Variants in GATAD2A observed in about 807,000 individuals in gnomAD.
The protein encoded by GATAD2A is GATA zinc finger domain containing 2A, also known as transcriptional repressor p66-alpha.
GATAD2A carries 12 observed loss-of-function variants against 68.5 expected under a neutral mutation model. The ratio of observed to expected loss-of-function variants is 0.18; its 90% CI spans 0.11 to 0.28. The LOEUF (loss-of-function observed/expected upper bound fraction) is 0.28. GATAD2A is among the 10% of genes least tolerant of loss of function. The pLI is 1.00. For synonymous variants in GATAD2A, 410 were observed against 375.3 expected, an observed-to-expected ratio of 1.09 and a Z score of -1.07; for missense variants, 755 against 868.5, an observed-to-expected ratio of 0.87 and a Z score of 1.64.
At chr19:19,488,021 G>T (rs2059555004) in intron 2 of GATAD2A, among the ~76,000 whole-genome samples, 1 of 152,210 alleles carries the variant, frequency 6.6e-6, no homozygotes, top group Non-Finnish European at 1.5e-5. Flanking sequence ...CTTGTACCGA[G>T]GCCTCACGAG....
At chr19:19,437,439 A>G (rs549953282) in intron 1 of GATAD2A, among the ~76,000 whole-genome samples, 3 of 152,362 alleles carry the variant, frequency 2.0e-5, no homozygotes, top group Non-Finnish European at 4.4e-5. Flanking sequence ...TTTTTGAGAT[A>G]TAATTTGCAT....
At chr19:19,473,272 G>A (rs183562120) in intron 2 of GATAD2A, among the ~76,000 whole-genome samples, 8 of 152,290 alleles carry the variant, frequency 5.3e-5, no homozygotes, top group Admixed American at 5.2e-4. Context: ...GGGGCAGGCT[G>A]GGATGTGTGT....
intron 2 of GATAD2A, among the ~76,000 whole-genome samples, chr19:19,474,723 G>T (rs1253802509): frequency 6.6e-6 from 1 of 152,172 alleles, no homozygotes; most frequent in Non-Finnish European, 1.5e-5. Flanking sequence ...AAACTGCAGG[G>T]TTACAAATTG....
intron 5 of GATAD2A, among the ~76,000 whole-genome samples, chr19:19,495,208 G>A (rs1318750976): frequency 6.6e-6 from 1 of 152,126 alleles, no homozygotes; most frequent in Non-Finnish European, 1.5e-5. Flanking sequence ...TACCCAGGCT[G>A]TTCTCAAACC....
At chr19:19,392,960 G>C (rs1376021513) in intron 1 of GATAD2A, among the ~76,000 whole-genome samples, 1 of 152,148 alleles carries the variant, frequency 6.6e-6, no homozygotes, top group Non-Finnish European at 1.5e-5. Context: ...CTGCCAAAGT[G>C]TTGGGATTAC....
intron 1 of GATAD2A, among the ~76,000 whole-genome samples, chr19:19,446,173 T>C (rs1341832760): frequency 6.6e-6 from 1 of 152,256 alleles, no homozygotes; most frequent in Non-Finnish European, 1.5e-5. Flanking sequence ...TCCCAATTTC[T>C]CTACATCCTT....
intron 1 of GATAD2A, among the ~76,000 whole-genome samples, chr19:19,409,014 C>CTTT (rs5827448): frequency 0.15 from 17,187 of 116,234 alleles, 1,360 homozygotes; most frequent in Middle Eastern, 0.23. Context: ...GAAATGTTGG[C>CTTT]TTTTTTTTTT....
intron 1 of GATAD2A, among the ~76,000 whole-genome samples, chr19:19,457,645 G>T (rs935506991): frequency 3.9e-5 from 6 of 151,988 alleles, no homozygotes; most frequent in African/African-American, 1.5e-4. Context: ...GGAGGCTGAG[G>T]CAGGAGAATG....
At chr19:19,448,242 C>T (rs920084145) in intron 1 of GATAD2A, among the ~76,000 whole-genome samples, 1 of 152,246 alleles carries the variant, frequency 6.6e-6, no homozygotes, top group African/African-American at 2.4e-5. Context: ...TGCCCGGACT[C>T]CCCCTTCACA....
In GATAD2A at chr19:19,465,538, G is replaced by C. The variant is rs375586614; in HGVS notation, c.193G>C (p.Glu65Gln). ...GPTQGLLRAT[E>Q]ATAMAMGRGE... ...AACCCAAGGATTGCTGAGGGCAACAGAGGCCACGGCCATGGCCATGGGCAG... is the reference window on the plus strand; with the variant it reads ...AACCCAAGGATTGCTGAGGGCAACACAGGCCACGGCCATGGCCATGGGCAG... The change falls in exon 2 of 12, where the codon GAG becomes CAG. Residue 65 changes from glutamate to glutamine, a missense_variant. Coordinates refer to ENST00000683918, the MANE Select transcript of GATAD2A (RefSeq NM_001384528.1). 1.4e-4 allele frequency: 218 copies of C among 1,613,940 alleles called. 1 individual carries two copies. In the Middle Eastern group the frequency reaches 1.8e-3, roughly 13 times the overall value.
chr19:19,425,942 C>A (rs1039694189), intron 1 of GATAD2A, among the ~76,000 whole-genome samples: 3 of 152,052 alleles, frequency 2.0e-5, no homozygotes, highest in Non-Finnish European at 2.9e-5. Context: ...GGTGCTCCGC[C>A]ACGCCTGGCT....
chr19:19,471,038 C>G (rs1426890957), intron 2 of GATAD2A, among the ~76,000 whole-genome samples: 1 of 152,040 alleles, frequency 6.6e-6, no homozygotes, highest in East Asian at 1.9e-4. Context: ...GGCGGATCAC[C>G]TGAGGTCAAG....
At chr19:19,469,437 A>AAAAAAAAAG (rs1456365218) in intron 2 of GATAD2A, among the ~76,000 whole-genome samples, 2 of 151,828 alleles carry the variant, frequency 1.3e-5, no homozygotes. Context: ...ATCTCAAAAA[A>AAAAAAAAAG]AAAGAAAAAA....
At chr19:19,451,131 T>G (rs1436580561) in intron 1 of GATAD2A, among the ~76,000 whole-genome samples, 1 of 151,896 alleles carries the variant, frequency 6.6e-6, no homozygotes, top group Non-Finnish European at 1.5e-5. Flanking sequence ...TCCCAGCACC[T>G]TGTGAGTCTG....
chr19:19,453,960 C>CTT (rs1158508361), intron 1 of GATAD2A, among the ~76,000 whole-genome samples: 1 of 150,330 alleles, frequency 6.7e-6, no homozygotes. Context: ...CCACACCTGG[C>CTT]CAAATTTTTT....
intron 2 of GATAD2A, among the ~76,000 whole-genome samples, chr19:19,483,523 G>T (rs969675264): frequency 6.6e-6 from 1 of 152,184 alleles, no homozygotes; most frequent in Non-Finnish European, 1.5e-5. Context: ...TGAGGGAACC[G>T]CAGAGGGGCT....
At chr19:19,427,318 C>T (rs567490165) in intron 1 of GATAD2A, among the ~76,000 whole-genome samples, 1 of 151,962 alleles carries the variant, frequency 6.6e-6, no homozygotes, top group East Asian at 1.9e-4. Context: ...AAAAATGAAC[C>T]TTTCTGAATT....
intron 2 of GATAD2A, among the ~76,000 whole-genome samples, chr19:19,469,631 A>G (rs1406317817): frequency 4.6e-5 from 7 of 152,266 alleles, no homozygotes; most frequent in Non-Finnish European, 8.8e-5. Flanking sequence ...TCAAAAGGCA[A>G]GGACTATCAG....
chr19:19,440,220 A>T (rs757068147), intron 1 of GATAD2A: 8 of 298,534 alleles, frequency 2.7e-5, no homozygotes, highest in South Asian at 2.3e-4. Context: ...ATCTAAGGAA[A>T]GGTGGGGGGA....
Sources: gnomAD v4.1 joint callset for allele counts (sites outside exome capture counted in the v4.1 genomes callset) on GRCh38, gnomAD v4.1.1 for gene constraint, MANE v1.5 for transcripts, NCBI Gene and HGNC (gene_info 2026-07-23, HGNC 2026-07-21) for gene names.